The following PATJ variants were observed in gnomAD, a reference collection of about 807,000 sequenced individuals.
The protein encoded by PATJ is inaD-like protein.
In PATJ, 190 loss-of-function variants were observed where a neutral mutation model predicts 224.9. The observed-to-expected ratio is 0.84, with a 90% CI of 0.75 to 0.95. The LOEUF (loss-of-function observed/expected upper bound fraction) is 0.95, where lower values mean the gene tolerates loss of function less well. PATJ is among the 40% of genes least tolerant of loss of function. The pLI is 0.00. For missense variants in PATJ, 2,121 were observed against 2,270.3 expected, an observed-to-expected ratio of 0.93 and a Z score of 1.34; for synonymous variants, 769 against 820.3, an observed-to-expected ratio of 0.94 and a Z score of 1.07.
chr1:61,859,967 G>A (rs1664297984), intron 18 of PATJ, among the ~76,000 whole-genome samples: 1 of 152,096 alleles, frequency 6.6e-6, no homozygotes, highest in Non-Finnish European at 1.5e-5. Flanking sequence ...CAGTGCAAGT[G>A]GGGACAGAGA....
At chr1:61,843,346 T>C (rs534065581) in intron 17 of PATJ, among the ~76,000 whole-genome samples, 2 of 152,332 alleles carry the variant, frequency 1.3e-5, no homozygotes, top group South Asian at 2.1e-4. Flanking sequence ...TCTTGGGACT[T>C]TGGCAAGCTT....
chr1:61,771,724 CTTT>C (rs199652994), intron 6 of PATJ, 98 bp downstream of exon 6: 51 of 737,730 alleles, frequency 6.9e-5, no homozygotes, highest in South Asian at 1.4e-4. Flanking sequence ...CCTTTCTTTC[CTTT>C]TTTTTTTTTG....
At chr1:61,953,139 T>C (rs538937048) in intron 27 of PATJ, among the ~76,000 whole-genome samples, 46 of 152,280 alleles carry the variant, frequency 3.0e-4, no homozygotes, top group African/African-American at 1.1e-3. Flanking sequence ...TGCAATAGAG[T>C]ACTCTTAGTT....
intron 17 of PATJ, among the ~76,000 whole-genome samples, chr1:61,834,477 C>T (rs540143757): frequency 2.6e-5 from 4 of 152,204 alleles, no homozygotes; most frequent in East Asian, 1.9e-4. Context: ...CTATGTTGTA[C>T]GGTTCTACCA....
chr1:62,104,142 C>T (rs1183918252), intron 33 of PATJ, among the ~76,000 whole-genome samples: 4 of 127,810 alleles, frequency 3.1e-5, no homozygotes, highest in Non-Finnish European at 6.6e-5. Flanking sequence ...GAAGGGAGGG[C>T]GGGTAGGGGA....
At chr1:62,139,430 C>CA (rs1239636765) in intron 41 of PATJ, among the ~76,000 whole-genome samples, 26 of 137,560 alleles carry the variant, frequency 1.9e-4, no homozygotes, top group African/African-American at 6.6e-4. Context: ...AAAAAAAGAG[C>CA]AAACTTCTCA....
At chr1:62,071,251 G>C (rs1021559390) in intron 31 of PATJ, among the ~76,000 whole-genome samples, 3 of 152,126 alleles carry the variant, frequency 2.0e-5, no homozygotes, top group African/African-American at 7.2e-5. Context: ...CTCTGCACTA[G>C]TCCCCTGTAG....
intron 31 of PATJ, among the ~76,000 whole-genome samples, chr1:62,055,828 G>C (rs928518529): frequency 2.0e-5 from 3 of 152,140 alleles, no homozygotes; most frequent in Non-Finnish European, 4.4e-5. Flanking sequence ...TAAGGGAATC[G>C]TCTCACGTGT....
chr1:62,121,964 A>G (rs1665111324), intron 38 of PATJ, among the ~76,000 whole-genome samples: 1 of 152,140 alleles, frequency 6.6e-6, no homozygotes, highest in African/African-American at 2.4e-5. Flanking sequence ...AAAGAAAAAA[A>G]AAAGTGTGTA....
At chr1:62,085,962 TG>T (rs1558148183) in intron 33 of PATJ, among the ~76,000 whole-genome samples, 1 of 151,984 alleles carries the variant, frequency 6.6e-6, no homozygotes, top group Non-Finnish European at 1.5e-5. Context: ...CTGGGATGAT[TG>T]ACTTTTTATT....
In PATJ at chr1:61,935,288, A is replaced by G. The variant is rs370149430; in HGVS notation, c.3670+7459A>G. Among the ~76,000 whole-genome samples, 8 of 152,186 alleles carry G rather than the reference A, an allele frequency of 5.3e-5. No individual in the cohort carries two copies. The East Asian group carries it at 9.6e-4, about 18-fold the overall frequency. ...TGGCTTTTAAGGACCTAGCAGAGAT[A>G]TGAATGGAACCCCACACTGTAGGAA... On this transcript the variant is annotated intron_variant, in intron 27 of 43. Transcript: ENST00000642238.
rs1200147570 is a variant in PATJ at position 61,769,528 on chromosome 1, T to C, written c.524+106T>C. On this transcript the variant is annotated intron_variant, in intron 5 of 43. Coordinates refer to ENST00000642238, the MANE Select transcript of PATJ (RefSeq NM_001350145.3). Reference sequence around the variant, plus strand: ...TAATAAAAACAGTAACAGTAACAGCTAACATTTTTGCTTTCGTTTTTGCTA... The same window carrying C: ...TAATAAAAACAGTAACAGTAACAGCCAACATTTTTGCTTTCGTTTTTGCTA... The C allele has an allele frequency of 3.9e-6, 5 of 1,294,192 alleles. No individual in the cohort carries two copies. The Admixed American group carries it at 8.9e-5, about 23-fold the overall frequency. 80.2% of individuals were successfully genotyped at this position (1,294,192 alleles called of 1,614,324 possible).
rs543348977 is a variant in PATJ at position 62,119,732 on chromosome 1, G to A, written c.4891-1449G>A. On this transcript the variant is annotated intron_variant, in intron 37 of 43. Transcript: ENST00000642238. ...AGGCGGGCAGATCACTTGAGGGCAG[G>A]AATTCAAGACCAGCCTGGCCAAAGA... 1.1e-4 allele frequency among the ~76,000 whole-genome samples: 17 copies of A among 152,258 alleles called. No individual in the cohort carries two copies. The East Asian group carries it at 3.3e-3, about 29-fold the overall frequency.
chr1:61,742,503 C>G lies in PATJ; in HGVS notation c.-88C>G, dbSNP rs1247540939. ...TCACTTCCGCCCAGGTGAGGCAGGG[C>G]CGACACCGAGCCCGCCCGACCCGGG... On this transcript the variant is annotated 5_prime_UTR_variant, in exon 1 of 44. Coordinates refer to ENST00000642238, the MANE Select transcript of PATJ (RefSeq NM_001350145.3). The G allele has an allele frequency of 6.6e-6, 1 of 152,486 alleles. No individual in the cohort carries two copies. Among genetic ancestry groups the G allele is most frequent in the Non-Finnish European group, 1.5e-5 (1 of 68,342 alleles). 9.4% of individuals were successfully genotyped at this position (152,486 alleles called of 1,614,324 possible).
chr1:62,082,441 C>G (rs953317360), intron 32 of PATJ, among the ~76,000 whole-genome samples: 2 of 152,216 alleles, frequency 1.3e-5, no homozygotes, highest in African/African-American at 4.8e-5. Context: ...AGGAACTCAA[C>G]TGTGGCTCTG....
chr1:61,984,186 A>T lies in PATJ; in HGVS notation c.3671-5982A>T, dbSNP rs1285371065. Among the ~76,000 whole-genome samples, 5 of 122,032 alleles carry T rather than the reference A, an allele frequency of 4.1e-5. No individual in the cohort carries two copies. In the East Asian group the frequency reaches 1.2e-3, roughly 30 times the overall value. The allele number at this position is 122,032 out of a possible 152,430, so 80.1% of individuals were successfully genotyped here. A position where few individuals can be genotyped will look rare whatever the true frequency, so the allele number is the denominator to read the frequency against. On this transcript the variant is annotated intron_variant, in intron 27 of 43. Coordinates refer to ENST00000642238, the MANE Select transcript of PATJ (RefSeq NM_001350145.3). Reference sequence around the variant, plus strand: ...ATTATTTTTTTTTTTTTTGAGGCAGAGTGTTGCTCTGTCACCCAGGCTGGA... The same window carrying T: ...ATTATTTTTTTTTTTTTTGAGGCAGTGTGTTGCTCTGTCACCCAGGCTGGA...
chr1:61,980,368 G>C (rs1033795185), intron 27 of PATJ, among the ~76,000 whole-genome samples: 5 of 151,738 alleles, frequency 3.3e-5, no homozygotes, highest in Non-Finnish European at 5.9e-5. Flanking sequence ...AGAAATACCA[G>C]ATGTGGAAGA....
At chr1:61,756,563 C>CTTTTTTTTTTTTT (rs370667808) in intron 1 of PATJ, among the ~76,000 whole-genome samples, 2 of 65,620 alleles carry the variant, frequency 3.0e-5, no homozygotes, top group Admixed American at 2.1e-4. Context: ...AACCAGGACA[C>CTTTTTTTTTTTTT]TTTTTTTTTT....
chr1:61,777,731 A>G (rs1226643567), intron 7 of PATJ, among the ~76,000 whole-genome samples: 2 of 39,166 alleles, frequency 5.1e-5, no homozygotes, highest in Non-Finnish European at 9.2e-5. Flanking sequence ...TTTTTTTAGC[A>G]TAGTCTTGCT....
Sources: allele counts gnomAD v4.1 joint callset (sites outside exome capture counted in the v4.1 genomes callset), GRCh38; gene constraint gnomAD v4.1.1; transcripts MANE v1.5; gene names NCBI Gene and HGNC (gene_info 2026-07-23, HGNC 2026-07-21).